FER: variants seen among roughly 807,000 people sequenced by gnomAD.
FER encodes tyrosine-protein kinase Fer.
FER carries 63 observed loss-of-function variants against 111.0 expected under a neutral mutation model. The ratio of observed to expected loss-of-function variants is 0.57; its 90% CI spans 0.46 to 0.70. The LOEUF (loss-of-function observed/expected upper bound fraction) is 0.70. Ranked by LOEUF, FER falls within the 30% of genes least tolerant of loss-of-function variation. FER has a pLI of 0.00. For missense variants in FER, 914 were observed against 954.0 expected, an observed-to-expected ratio of 0.96 and a Z score of 0.55; for synonymous variants, 327 against 313.9, an observed-to-expected ratio of 1.04 and a Z score of -0.44.
Position 109,192,713 on chromosome 5 carries a change from G to C in FER, c.*5138G>C, listed in dbSNP as rs1157520484. 1 of 152,140 alleles carries C rather than the reference G, an allele frequency of 6.6e-6. No homozygotes were observed. Among genetic ancestry groups the C allele is most frequent in the Non-Finnish European group, 1.5e-5 (1 of 68,020 alleles). The allele number at this position is 152,140 out of a possible 1,614,324, so 9.4% of individuals were successfully genotyped here. On this transcript the variant is annotated 3_prime_UTR_variant, in exon 20 of 20. Transcript: ENST00000281092. ...AGTCTCCTAAATGGGACTACACTTA[G>C]ATCCGCCCTATTTCACCTTTGGACT...
intron 13 of FER, among the ~76,000 whole-genome samples, chr5:109,003,976 T>G (rs2149787885): frequency 6.6e-6 from 1 of 152,266 alleles, no homozygotes; most frequent in Non-Finnish European, 1.5e-5. Flanking sequence ...TAAGACCGGG[T>G]CTCAAGAAAC....
At chr5:109,043,044 G>A (rs1319083260) in intron 14 of FER, among the ~76,000 whole-genome samples, 5 of 152,168 alleles carry the variant, frequency 3.3e-5, no homozygotes, top group African/African-American at 9.6e-5. Context: ...TAATAGAATT[G>A]AGGTCATGAA....
At chr5:108,767,156 C>G (rs899968134) in intron 1 of FER, among the ~76,000 whole-genome samples, 1 of 151,982 alleles carries the variant, frequency 6.6e-6, no homozygotes, top group Non-Finnish European at 1.5e-5. Context: ...ATGCAAGAAT[C>G]AGCTGGGCGT....
At chr5:109,057,725 T>G (rs1397547421) in intron 16 of FER, among the ~76,000 whole-genome samples, 1 of 152,206 alleles carries the variant, frequency 6.6e-6, no homozygotes, top group Non-Finnish European at 1.5e-5. Flanking sequence ...AGAATTGAAT[T>G]TCTCATTTAA....
chr5:109,163,160 C>G (rs1022972384), intron 17 of FER, among the ~76,000 whole-genome samples: 1 of 152,116 alleles, frequency 6.6e-6, no homozygotes, highest in South Asian at 2.1e-4. Context: ...ATGTTTTGTT[C>G]TAGCTTTCTT....
chr5:109,134,922 G>A (rs1429289246), intron 17 of FER, among the ~76,000 whole-genome samples: 1 of 152,182 alleles, frequency 6.6e-6, no homozygotes, highest in Non-Finnish European at 1.5e-5. Context: ...TTAAACAGCA[G>A]ATGTGTCTCC....
At chr5:108,767,910 A>C (rs1752499247) in intron 1 of FER, among the ~76,000 whole-genome samples, 183 bp from the exon 2 acceptor site, 2 of 152,236 alleles carry the variant, frequency 1.3e-5, no homozygotes, top group African/African-American at 4.8e-5. Context: ...TTAGAGAAAG[A>C]TAGGGGAGGG....
intron 10 of FER, among the ~76,000 whole-genome samples, chr5:108,932,953 T>C (rs1581261540): frequency 1.3e-5 from 2 of 152,038 alleles, no homozygotes; most frequent in South Asian, 2.1e-4. Context: ...TGTTCTTTTC[T>C]TGTAAATTTG....
chr5:108,818,825 A>T (rs888596209), intron 3 of FER, among the ~76,000 whole-genome samples: 46 of 152,308 alleles, frequency 3.0e-4, no homozygotes, highest in African/African-American at 1.1e-3. Context: ...AGAGTGACTC[A>T]CCAATCTTGC....
At chr5:108,868,609 A>G (rs1764307333) in intron 6 of FER, among the ~76,000 whole-genome samples, 2 of 152,046 alleles carry the variant, frequency 1.3e-5, no homozygotes, top group African/African-American at 4.8e-5. Context: ...ATTTTCTTTC[A>G]CTGAAAATTG....
chr5:108,788,896 G>T (rs1037460161), intron 2 of FER, among the ~76,000 whole-genome samples: 3 of 152,044 alleles, frequency 2.0e-5, no homozygotes. Context: ...TTATTGAATT[G>T]TCTCTCTTTT....
rs1759668342 is a variant in FER, at chr5:109,195,381, T to C, written c.*7806T>C. 2 of 152,188 alleles carry C rather than the reference T, an allele frequency of 1.3e-5. No individual in the cohort carries two copies. Among genetic ancestry groups the C allele is most frequent in the South Asian group, 4.1e-4 (2 of 4,834 alleles). The allele number at this position is 152,188 out of a possible 1,614,324, so 9.4% of individuals were successfully genotyped here. ...ATAATTCCACCTTAGATTCTAGACC[T>C]CTCATACCTGCAGTGTACAGAATAT... On this transcript the variant is annotated 3_prime_UTR_variant, in exon 20 of 20. Transcript: ENST00000281092.
At chr5:108,749,281 A>T (rs1359821017) in intron 1 of FER, among the ~76,000 whole-genome samples, 1 of 151,866 alleles carries the variant, frequency 6.6e-6, no homozygotes, top group Non-Finnish European at 1.5e-5. Context: ...ACCCAGCCCC[A>T]CGAGGGCCGC....
intron 17 of FER, among the ~76,000 whole-genome samples, chr5:109,142,507 CAAG>C (rs1225561720): frequency 6.6e-6 from 1 of 152,044 alleles, no homozygotes; most frequent in African/African-American, 2.4e-5. Context: ...ATTAAGATAA[CAAG>C]AGCCATGCTT....
chr5:109,129,232 A>G (rs945215055), intron 17 of FER, among the ~76,000 whole-genome samples: 1 of 152,074 alleles, frequency 6.6e-6, no homozygotes, highest in Non-Finnish European at 1.5e-5. Context: ...ATCTTAATAA[A>G]TGATTCTACT....
At chr5:109,123,241 C>T (rs146252308) in intron 17 of FER, among the ~76,000 whole-genome samples, 15,669 of 150,180 alleles carry the variant, frequency 0.1, 826 homozygotes, top group Non-Finnish European at 0.12. Flanking sequence ...CTGCAAGCTC[C>T]GCCTCCCGGG....
chr5:108,869,316 T>C (rs1228847704), intron 6 of FER, among the ~76,000 whole-genome samples: 1 of 152,026 alleles, frequency 6.6e-6, no homozygotes, highest in Non-Finnish European at 1.5e-5. Flanking sequence ...AGCTAAGAGG[T>C]GGCACATCTG....
chr5:109,111,572 T>A (rs963209147), intron 17 of FER, among the ~76,000 whole-genome samples: 4 of 152,194 alleles, frequency 2.6e-5, no homozygotes, highest in Non-Finnish European at 5.9e-5. Flanking sequence ...CACACTGCTA[T>A]AAAGAACTTC....
chr5:109,002,344 A>C (rs937781475), intron 13 of FER, among the ~76,000 whole-genome samples: 1 of 151,662 alleles, frequency 6.6e-6, no homozygotes, highest in Non-Finnish European at 1.5e-5. Context: ...CTGATCTTTG[A>C]CAAACCTGAG....
Sources: gnomAD v4.1 joint callset for allele counts (sites outside exome capture counted in the v4.1 genomes callset) on GRCh38, gnomAD v4.1.1 for gene constraint, MANE v1.5 for transcripts, NCBI Gene and HGNC (gene_info 2026-07-23, HGNC 2026-07-21) for gene names.